The following POU2F1 variants were observed in gnomAD, a reference collection of about 807,000 sequenced individuals.
POU2F1 encodes POU class 2 homeobox 1, also known as POU domain, class 2, transcription factor 1.
Under a neutral mutation model 84.9 loss-of-function variants are expected in POU2F1, and 16 were observed. The ratio of observed to expected loss-of-function variants is 0.19; its 90% CI spans 0.13 to 0.29. POU2F1 has a LOEUF of 0.29. Among genes scored for constraint, POU2F1 ranks in the 10% least tolerant of loss-of-function variants. POU2F1 has a pLI of 1.00. For synonymous variants in POU2F1, 368 were observed against 368.3 expected (o/e 1.00, Z 0.01); for missense variants, 738 against 942.6 (o/e 0.78, Z 2.84).
chr1:167,407,898 T>C (rs1649694283), intron 13 of POU2F1, among the ~76,000 whole-genome samples: 2 of 151,942 alleles, frequency 1.3e-5, no homozygotes, highest in African/African-American at 2.4e-5. Flanking sequence ...GAAAAAAAAA[T>C]TAGTAAATTC....
chr1:167,307,737 A>G (rs1018960505), intron 1 of POU2F1, among the ~76,000 whole-genome samples: 5 of 152,188 alleles, frequency 3.3e-5, no homozygotes, highest in African/African-American at 9.7e-5. Context: ...ACAGGTTACT[A>G]TCGACTAATC....
At chr1:167,230,647 G>A (rs1256969344) in intron 1 of POU2F1, among the ~76,000 whole-genome samples, 4 of 152,086 alleles carry the variant, frequency 2.6e-5, no homozygotes, top group African/African-American at 4.8e-5. Flanking sequence ...TGTCAAATCT[G>A]AGCTCCTGTC....
intron 2 of POU2F1, among the ~76,000 whole-genome samples, chr1:167,344,423 A>T (rs1658058383): frequency 6.6e-6 from 1 of 152,194 alleles, no homozygotes; most frequent in South Asian, 2.1e-4. Flanking sequence ...GCTGTGGTTA[A>T]GAAAGTGAAT....
rs1270152389 is a variant in POU2F1 at position 167,374,242 on chromosome 1, T to C, written c.537T>C (p.Ser179=). Residue 179 remains serine, a synonymous_variant, in exon 6 of 16, where the codon TCT becomes TCC. Transcript: ENST00000367866. ...HSAAGATISA[S]AATPMTQIPL... The stretch of plus-strand genomic sequence containing the variant: ...CTGCTGGAGCCACCATCTCCGCCTC[T>C]GCTGCCACGCCCATGACGCAGATCC... 6.2e-7 allele frequency: 1 copy of C among 1,613,686 alleles called. No homozygotes were observed. The highest frequency in any genetic ancestry group is 8.5e-7 in the Non-Finnish European group (1 of 1,179,908).
At chr1:167,287,135 C>T (rs1227996982) in intron 1 of POU2F1, among the ~76,000 whole-genome samples, 2 of 152,132 alleles carry the variant, frequency 1.3e-5, no homozygotes, top group East Asian at 1.9e-4. Flanking sequence ...TAGGCTGGGG[C>T]GAACAACCAC....
chr1:167,353,759 A>G (rs893675737), intron 2 of POU2F1, among the ~76,000 whole-genome samples: 2 of 152,154 alleles, frequency 1.3e-5, no homozygotes, highest in Admixed American at 1.3e-4. Flanking sequence ...AATTGTAAAA[A>G]CTTGTATGTA....
chr1:167,292,329 T>G (rs906130210), intron 1 of POU2F1, among the ~76,000 whole-genome samples: 1 of 152,132 alleles, frequency 6.6e-6, no homozygotes, highest in African/African-American at 2.4e-5. Context: ...CCATTCCTCA[T>G]TGCTTGGAAT....
chr1:167,313,224 G>C (rs1557886971), intron 1 of POU2F1, among the ~76,000 whole-genome samples: 1 of 146,424 alleles, frequency 6.8e-6, no homozygotes, highest in East Asian at 1.9e-4. Flanking sequence ...TCAGGGATTA[G>C]AAGATAACAT....
intron 1 of POU2F1, among the ~76,000 whole-genome samples, chr1:167,233,326 C>T (rs74687366): frequency 0.02 from 3,018 of 149,400 alleles, 102 homozygotes; most frequent in African/African-American, 0.069. Flanking sequence ...TTTGTAGAGA[C>T]GGGGCTTCGC....
At chr1:167,390,308 G>A (rs958165112) in intron 9 of POU2F1, among the ~76,000 whole-genome samples, 3 of 152,144 alleles carry the variant, frequency 2.0e-5, no homozygotes, top group African/African-American at 7.2e-5. Context: ...CAGAACACAG[G>A]CCTCTGAAAT....
At chr1:167,236,121 TTAGAC>T (rs1649434397) in intron 1 of POU2F1, among the ~76,000 whole-genome samples, 1 of 152,202 alleles carries the variant, frequency 6.6e-6, no homozygotes, top group African/African-American at 2.4e-5. Flanking sequence ...CTTTTTTTTT[TTAGAC>T]AGACGATTGC....
chr1:167,371,110 A>G (rs1659976430), intron 4 of POU2F1, among the ~76,000 whole-genome samples: 2 of 152,188 alleles, frequency 1.3e-5, no homozygotes, highest in Admixed American at 6.5e-5. Context: ...AGAAAAAGAG[A>G]TAATGTGACC....
At chr1:167,236,219 C>CA (rs1286833180) in intron 1 of POU2F1, among the ~76,000 whole-genome samples, 1 of 151,876 alleles carries the variant, frequency 6.6e-6, no homozygotes, top group Non-Finnish European at 1.5e-5. Context: ...TTCTCTGCCT[C>CA]AGCCTCCTGA....
intron 2 of POU2F1, among the ~76,000 whole-genome samples, chr1:167,352,570 T>A (rs1360313335): frequency 6.6e-6 from 1 of 152,212 alleles, no homozygotes; most frequent in Non-Finnish European, 1.5e-5. Context: ...GGAATTTCAG[T>A]CTGAGCTCAA....
intron 1 of POU2F1, among the ~76,000 whole-genome samples, chr1:167,267,004 C>A (rs1652009807): frequency 6.6e-6 from 1 of 152,110 alleles, no homozygotes; most frequent in Non-Finnish European, 1.5e-5. Context: ...ATGAAAAGTG[C>A]TGTTTCTTGG....
intron 1 of POU2F1, among the ~76,000 whole-genome samples, chr1:167,289,556 TGTGA>T (rs1372515019): frequency 1.3e-5 from 2 of 152,320 alleles, no homozygotes; most frequent in East Asian, 3.9e-4. Flanking sequence ...GTAAGGTGCT[TGTGA>T]GTGAGTTTGG....
chr1:167,389,574 T>C lies in POU2F1; in HGVS notation c.814-14T>C. Reference sequence around the variant, plus strand: ...CACGTGTTTTTCCTCATTGTTTTATTCTTTCTCCAACAGCCAGCAACCCCA... The same window carrying C: ...CACGTGTTTTTCCTCATTGTTTTATCCTTTCTCCAACAGCCAGCAACCCCA... On this transcript the variant is annotated splice_polypyrimidine_tract_variant and intron_variant, in intron 8 of 15. Coordinates refer to ENST00000367866, the MANE Select transcript of POU2F1 (RefSeq NM_002697.4). The C allele has an allele frequency of 6.2e-7, 1 of 1,613,884 alleles. No individual in the cohort carries two copies. The highest frequency in any genetic ancestry group is 8.5e-7 in the Non-Finnish European group (1 of 1,179,818).
chr1:167,273,711 G>GT (rs1652532446), intron 1 of POU2F1, among the ~76,000 whole-genome samples: 1 of 152,234 alleles, frequency 6.6e-6, no homozygotes, highest in Non-Finnish European at 1.5e-5. Flanking sequence ...TGTTGGGAAA[G>GT]TAACTGGGAG....
At chr1:167,247,169 G>C (rs1650391422) in intron 1 of POU2F1, among the ~76,000 whole-genome samples, 1 of 151,928 alleles carries the variant, frequency 6.6e-6, no homozygotes, top group African/African-American at 2.4e-5. Flanking sequence ...TCAACCTTCT[G>C]GGCTTAAGTG....
Sources: gnomAD v4.1 joint callset for allele counts (sites outside exome capture counted in the v4.1 genomes callset) on GRCh38, gnomAD v4.1.1 for gene constraint, MANE v1.5 for transcripts, NCBI Gene and HGNC (gene_info 2026-07-23, HGNC 2026-07-21) for gene names.